Variants in GRM1 observed in about 807,000 individuals in gnomAD.
The protein encoded by GRM1 is metabotropic glutamate receptor 1.
In GRM1, 33 loss-of-function variants were observed where a neutral mutation model predicts 90.9. That is an observed-to-expected ratio of 0.36 (90% CI 0.28 to 0.49). The LOEUF is 0.49. Ranked by LOEUF, GRM1 falls within the 20% of genes least tolerant of loss-of-function variation. The pLI, the probability that GRM1 is intolerant of heterozygous loss-of-function variation, is 0.99. For synonymous variants in GRM1, 700 were observed against 613.2 expected, an observed-to-expected ratio of 1.14 and a Z score of -2.09; for missense variants, 1,190 against 1,534.3, an observed-to-expected ratio of 0.78 and a Z score of 3.75.
intron 1 of GRM1, among the ~76,000 whole-genome samples, chr6:146,079,910 A>G (rs569540911): frequency 6.6e-6 from 1 of 152,230 alleles, no homozygotes; most frequent in East Asian, 1.9e-4. Context: ...TTAAAGGTTT[A>G]AAAGATGCCT....
chr6:146,042,280 A>G (rs1770142956), intron 1 of GRM1, among the ~76,000 whole-genome samples: 1 of 152,048 alleles, frequency 6.6e-6, no homozygotes, highest in South Asian at 2.1e-4. Flanking sequence ...GGAAGGGCAG[A>G]AGCCAGGAGG....
intron 1 of GRM1, among the ~76,000 whole-genome samples, chr6:146,146,073 T>G (rs1469742074): frequency 1.3e-5 from 2 of 148,952 alleles, no homozygotes; most frequent in Admixed American, 6.7e-5. Flanking sequence ...ATGTAAATAT[T>G]TGCCCTGTGC....
At chr6:146,367,885 C>T (rs1775752903) in intron 5 of GRM1, among the ~76,000 whole-genome samples, 1 of 152,068 alleles carries the variant, frequency 6.6e-6, no homozygotes, top group Non-Finnish European at 1.5e-5. Context: ...CACATGAATA[C>T]ATGTGTCTTC....
intron 2 of GRM1, among the ~76,000 whole-genome samples, chr6:146,245,063 G>A (rs1355047687): frequency 6.6e-6 from 1 of 152,138 alleles, no homozygotes; most frequent in Non-Finnish European, 1.5e-5. Flanking sequence ...GTGATAAATT[G>A]TTCTTTTGTT....
At chr6:146,111,000 G>A (rs1411086674) in intron 1 of GRM1, among the ~76,000 whole-genome samples, 1 of 152,210 alleles carries the variant, frequency 6.6e-6, no homozygotes, top group African/African-American at 2.4e-5. Context: ...TGATTGGCTA[G>A]GGCATTGTAA....
chr6:146,189,660 T>A (rs1778868889), intron 2 of GRM1, among the ~76,000 whole-genome samples: 1 of 152,114 alleles, frequency 6.6e-6, no homozygotes, highest in Admixed American at 6.6e-5. Flanking sequence ...GATTGCAGTG[T>A]TGTAATTAGT....
intron 7 of GRM1, among the ~76,000 whole-genome samples, chr6:146,417,520 G>T (rs1484095089): frequency 6.6e-6 from 1 of 152,154 alleles, no homozygotes; most frequent in African/African-American, 2.4e-5. Flanking sequence ...TACTATGAGA[G>T]AAATTGTATG....
intron 2 of GRM1, among the ~76,000 whole-genome samples, chr6:146,258,341 TA>T (rs1170725477): frequency 6.6e-6 from 1 of 152,180 alleles, no homozygotes; most frequent in Non-Finnish European, 1.5e-5. Flanking sequence ...TTAAAAATCC[TA>T]AATGCAAAGG....
chr6:146,166,627 C>T (rs1777915684), intron 2 of GRM1, among the ~76,000 whole-genome samples: 1 of 152,136 alleles, frequency 6.6e-6, no homozygotes, highest in South Asian at 2.1e-4. Flanking sequence ...TCTGAAAACA[C>T]AGTCATGTTC....
At chr6:146,057,174 A>G (rs1775509711) in intron 1 of GRM1, among the ~76,000 whole-genome samples, 1 of 152,160 alleles carries the variant, frequency 6.6e-6, no homozygotes, top group Admixed American at 6.6e-5. Context: ...AAGACTTTTT[A>G]TCTTTTTCAT....
At chr6:146,425,607 G>A (rs1778171024) in intron 7 of GRM1, among the ~76,000 whole-genome samples, 1 of 152,194 alleles carries the variant, frequency 6.6e-6, no homozygotes, top group African/African-American at 2.4e-5. Flanking sequence ...GCCCTGTAGA[G>A]AACTGCATCA....
intron 3 of GRM1, among the ~76,000 whole-genome samples, chr6:146,341,302 A>C (rs1784972352): frequency 6.6e-6 from 1 of 152,162 alleles, no homozygotes; most frequent in African/African-American, 2.4e-5. Context: ...TCTCTCTAGA[A>C]TTGGCTCCTT....
At chr6:146,139,956 C>CCTTCCCTTCCCTTCCCTCCG in intron 1 of GRM1, among the ~76,000 whole-genome samples, 1 of 101,008 alleles carries the variant, frequency 9.9e-6, no homozygotes, top group Non-Finnish European at 1.9e-5. Context: ...CCTCCCCTCC[C>CCTTCCCTTCCCTTCCCTCCG]CTTCCCTTCC....
intron 7 of GRM1, 34 bp from the exon 8 acceptor site, chr6:146,433,838 T>C (rs1778499974): frequency 7.1e-7 from 1 of 1,413,574 alleles, no homozygotes; most frequent in African/African-American, 1.4e-5. Context: ...GCATGATCTA[T>C]CTGCAAATAA....
chr6:146,333,648 T>A (rs1321753836), intron 3 of GRM1, among the ~76,000 whole-genome samples: 1 of 152,126 alleles, frequency 6.6e-6, no homozygotes, highest in African/African-American at 2.4e-5. Context: ...TCTTTAGTCA[T>A]CATTACTTGT....
intron 7 of GRM1, among the ~76,000 whole-genome samples, chr6:146,404,936 A>C (rs1777289953): frequency 6.6e-6 from 1 of 152,220 alleles, no homozygotes; most frequent in Non-Finnish European, 1.5e-5. Context: ...AGAGCAGTAA[A>C]GTTGAATCCA....
chr6:146,323,008 G>T (rs1784255981), intron 3 of GRM1, among the ~76,000 whole-genome samples: 1 of 152,088 alleles, frequency 6.6e-6, no homozygotes, highest in South Asian at 2.1e-4. Flanking sequence ...CTCGTTGTTG[G>T]ACATTTAGGT....
chr6:146,301,395 G>T (rs1421058764), intron 2 of GRM1, among the ~76,000 whole-genome samples: 3 of 152,146 alleles, frequency 2.0e-5, no homozygotes, highest in Non-Finnish European at 2.9e-5. Context: ...GGGCTCAAGG[G>T]CAGGAAGTCA....
intron 1 of GRM1, among the ~76,000 whole-genome samples, chr6:146,108,036 A>T (rs563113683): frequency 2.0e-5 from 3 of 152,350 alleles, no homozygotes; most frequent in African/African-American, 7.2e-5. Context: ...TCAAATATAA[A>T]TGTATATAAA....
Sources: allele counts gnomAD v4.1 joint callset (sites outside exome capture counted in the v4.1 genomes callset), GRCh38; gene constraint gnomAD v4.1.1; transcripts MANE v1.5; gene names NCBI Gene and HGNC (gene_info 2026-07-23, HGNC 2026-07-21).